MYBL1: variants seen among roughly 807,000 people sequenced by gnomAD.
MYBL1 encodes the protein MYB proto-oncogene like 1, also known as myb-related protein A.
In MYBL1, 17 loss-of-function variants were observed where a neutral mutation model predicts 96.3. The observed-to-expected ratio is 0.18, with a 90% CI of 0.12 to 0.26. MYBL1 has a LOEUF of 0.26. Among genes scored for constraint, MYBL1 ranks in the 10% least tolerant of loss-of-function variants. MYBL1 has a pLI of 1.00. For missense variants in MYBL1, 701 were observed against 882.9 expected (o/e 0.79, Z 2.61); for synonymous variants, 282 against 292.7 (o/e 0.96, Z 0.37).
rs750563808 is a variant in MYBL1 at position 66,575,704 on chromosome 8, C to CA, written c.1470+302dup. ...ACTTGGGGGGCTGAGGCGGGAAGAT[C>CA]ACTTGAGCCTCGGTGGTTGAGGTTG... is the stretch of plus-strand genomic sequence containing the variant. On this transcript the variant is annotated intron_variant, in intron 10 of 15. Transcript: ENST00000522677. Among the ~76,000 whole-genome samples, 38 of 152,224 alleles carry CA rather than the reference C, an allele frequency of 2.5e-4. No individual in the cohort carries two copies. In the East Asian group the frequency reaches 6.4e-3, roughly 26 times the overall value.
chr8:66,566,115 CT>C lies in MYBL1; in HGVS notation c.2078del (p.Lys693ArgfsTer37). ...STNKTYTLTKKKPNPNTSKVV... is the reference protein window; with the variant it reads ...STNKTYTLTKXKPNPNTSKVV... ...CTTTGGAAGTGTTAGGGTTTGGTTT[CT>C]TTTTAGTAAGTGTATATGTTTTGTT... On this transcript the variant is annotated frameshift_variant, in exon 15 of 16. Coordinates refer to ENST00000522677, the MANE Select transcript of MYBL1 (RefSeq NM_001080416.4). LOFTEE classifies it high-confidence loss of function. 6.5e-7 allele frequency: 1 copy of C among 1,543,562 alleles called. No homozygotes were observed. Among genetic ancestry groups the C allele is most frequent in the Non-Finnish European group, 8.8e-7 (1 of 1,141,224 alleles).
intron 9 of MYBL1, among the ~76,000 whole-genome samples, chr8:66,576,640 C>T (rs1182107616): frequency 2.0e-5 from 3 of 152,102 alleles, no homozygotes; most frequent in Non-Finnish European, 2.9e-5. Context: ...AAGTTATTAT[C>T]AAAAATTAAG....
intron 8 of MYBL1, among the ~76,000 whole-genome samples, chr8:66,581,729 G>T (rs1723277503): frequency 6.6e-6 from 1 of 151,904 alleles, no homozygotes; most frequent in African/African-American, 2.4e-5. Flanking sequence ...CCCATATATG[G>T]AAATCTTTAT....
chr8:66,607,529 GCT>G (rs796600906), intron 1 of MYBL1, among the ~76,000 whole-genome samples: 28 of 152,160 alleles, frequency 1.8e-4, no homozygotes, highest in African/African-American at 6.3e-4. Context: ...TTCACCAAGA[GCT>G]CTATATTCCA....
At position 66,601,699 on chromosome 8, in the gene MYBL1, T is replaced by C; in HGVS notation, c.197A>G (p.Gln66Arg). 6.7e-7 allele frequency: 1 copy of C among 1,485,886 alleles called. No individual in the cohort carries two copies. The highest frequency in any genetic ancestry group is 1.4e-5 in the African/African-American group (1 of 71,370). 92.0% of individuals were successfully genotyped at this position (1,485,886 alleles called of 1,614,324 possible). ...AATATAATTTAATATTTCACTTACT[T>C]GAAGATGACTAGCAATTAGAGTCCA... is the stretch of plus-strand genomic sequence containing the variant. ...DDWTLIASHL[Q>R]NRSDFQCQHR... Residue 66 changes from glutamine to arginine, a missense_variant and splice_region_variant, in exon 3 of 16, where the codon CAA becomes CGA. Gln to Arg is a conservative substitution (Grantham distance 43, BLOSUM62 1). Transcript: ENST00000522677.
chr8:66,593,165 T>C lies in MYBL1; in HGVS notation c.717A>G (p.Glu239=). ...GCTGAACATGTTCTATACAATTGCC[T>C]TCAGGTGACACATACTGATACCCAG... ...QIPGYQYVSP[E]GNCIEHVQPT... is the part of the protein sequence containing the mutation. Residue 239 remains glutamate, a synonymous_variant, in exon 7 of 16, where the codon GAA becomes GAG. Coordinates refer to ENST00000522677, the MANE Select transcript of MYBL1 (RefSeq NM_001080416.4). The C allele has an allele frequency of 6.3e-7, 1 of 1,589,124 alleles. No individual in the cohort carries two copies. The highest frequency in any genetic ancestry group is 8.6e-7 in the Non-Finnish European group (1 of 1,165,258).
In MYBL1 at chr8:66,576,246, C is replaced by T. The variant is rs1331631805; in HGVS notation, c.1231G>A (p.Val411Ile). 1.9e-6 allele frequency: 3 copies of T among 1,613,888 alleles called. No homozygotes were observed. Among genetic ancestry groups the T allele is most frequent in the South Asian group, 2.2e-5 (2 of 91,078 alleles). ...NEGAMECQFN[V>I]SLVLEGKKNT... ...TTTTTCCCTTCAAGTACAAGACTGACGTTAAATTGGCATTCCATGGCTCCT... is the reference window on the plus strand; with the variant it reads ...TTTTTCCCTTCAAGTACAAGACTGATGTTAAATTGGCATTCCATGGCTCCT... The change falls in exon 10 of 16, where the codon GTC becomes ATC. Residue 411 changes from valine (V) to isoleucine (I), a missense_variant. By Grantham distance (29) the Val-to-Ile change is conservative. Transcript: ENST00000522677.
chr8:66,609,943 A>C lies in MYBL1; in HGVS notation c.20+2876T>G, dbSNP rs551098683. Among the ~76,000 whole-genome samples the C allele has an allele frequency of 1.2e-4, 18 of 152,132 alleles. No homozygotes were observed. In the East Asian group the frequency reaches 2.9e-3, roughly 24 times the overall value. ...CACTCCCACCCATTTTGCTGGAAACAACACAGTAAAATTGGTTCCTATACA... is the reference window on the plus strand; with the variant it reads ...CACTCCCACCCATTTTGCTGGAAACCACACAGTAAAATTGGTTCCTATACA... On this transcript the variant is annotated intron_variant, in intron 1 of 15. Coordinates refer to ENST00000522677, the MANE Select transcript of MYBL1 (RefSeq NM_001080416.4).
chr8:66,587,476 A>C (rs1809466887), intron 8 of MYBL1, among the ~76,000 whole-genome samples: 1 of 151,970 alleles, frequency 6.6e-6, no homozygotes. Context: ...ATTTTTCTTT[A>C]TCTCTTTAGA....
In MYBL1 at chr8:66,563,728, A is replaced by G. The variant is rs1439472495; in HGVS notation, c.*969T>C. ...AAAAGAAAATATTAAATTATTATTT[A>G]GTACATTTTTAGAACTACTTTATAA... On this transcript the variant is annotated 3_prime_UTR_variant, in exon 16 of 16. Transcript: ENST00000522677. The G allele has an allele frequency of 6.6e-6, 1 of 152,482 alleles. No individual in the cohort carries two copies. Among genetic ancestry groups the G allele is most frequent in the Non-Finnish European group, 1.5e-5 (1 of 67,976 alleles). 9.4% of individuals were successfully genotyped at this position (152,482 alleles called of 1,614,324 possible).
At chr8:66,579,245 T>TA (rs200120132) in intron 9 of MYBL1, among the ~76,000 whole-genome samples, 35 of 151,326 alleles carry the variant, frequency 2.3e-4, no homozygotes, top group African/African-American at 7.5e-4. Flanking sequence ...ATAAAAAAAT[T>TA]AAAAAAAAAT....
rs769801368 is a variant in MYBL1 at position 66,580,253 on chromosome 8, A to G, written c.981T>C (p.Asn327=). The stretch of plus-strand genomic sequence containing the variant: ...AATTCTGCTGAGCAGACACAGGCTG[A>G]TTTTCATCCATACTGTAAAACTCAC... ...HTSEFYSMDE[N]QPVSAQQNSP... is the part of the protein sequence containing the mutation. Residue 327 remains asparagine (N), a synonymous_variant, in exon 9 of 16, where the codon AAT becomes AAC. Coordinates refer to ENST00000522677, the MANE Select transcript of MYBL1 (RefSeq NM_001080416.4). The G allele has an allele frequency of 1.9e-6, 3 of 1,613,880 alleles. No homozygotes were observed. The South Asian group carries it at 3.3e-5, about 18-fold the overall frequency.
At chr8:66,612,749 C>T (rs1810582247) in intron 1 of MYBL1, 70 bp downstream of exon 1, 2 of 1,317,288 alleles carry the variant, frequency 1.5e-6, no homozygotes, top group Non-Finnish European at 2.0e-6. Context: ...CGGGAGGGGG[C>T]AGCGGGATAG....
chr8:66,597,219 T>G, intron 5 of MYBL1, 111 bp downstream of exon 5: 1 of 782,244 alleles, frequency 1.3e-6, no homozygotes, highest in Non-Finnish European at 1.9e-6. Context: ...GTCTACATTT[T>G]AATTACAAAT....
intron 9 of MYBL1, among the ~76,000 whole-genome samples, chr8:66,577,028 C>A (rs1449041021): frequency 6.6e-6 from 1 of 152,012 alleles, no homozygotes; most frequent in Non-Finnish European, 1.5e-5. Context: ...AATTCAACAA[C>A]CCTTCATGCT....
chr8:66,611,884 T>A (rs534698364), intron 1 of MYBL1, among the ~76,000 whole-genome samples: 1 of 152,366 alleles, frequency 6.6e-6, no homozygotes, highest in Non-Finnish European at 1.5e-5. Flanking sequence ...GCTGTGGATC[T>A]AGATAAATAA....
intron 8 of MYBL1, among the ~76,000 whole-genome samples, chr8:66,582,172 G>A (rs1204030626): frequency 1.3e-5 from 2 of 151,986 alleles, no homozygotes; most frequent in African/African-American, 4.8e-5. Context: ...AATGAAAAGA[G>A]TAAGTCTTCA....
rs1452590930 is a variant in MYBL1, at chr8:66,604,340, T to A, written c.21-1817A>T. ...GAGTTCGAGACCAGCCTGACCAACATGGCAAAACCCTGTCTCTACTAAAAT... is the reference window on the plus strand; with the variant it reads ...GAGTTCGAGACCAGCCTGACCAACAAGGCAAAACCCTGTCTCTACTAAAAT... On this transcript the variant is annotated intron_variant, in intron 1 of 15. Transcript: ENST00000522677. Among the ~76,000 whole-genome samples, 3 of 152,042 alleles carry A rather than the reference T, an allele frequency of 2.0e-5. No individual in the cohort carries two copies. In the East Asian group the frequency reaches 5.8e-4, roughly 29 times the overall value.
chr8:66,571,283 T>C (rs1177731277), intron 12 of MYBL1, among the ~76,000 whole-genome samples: 1 of 152,182 alleles, frequency 6.6e-6, no homozygotes, highest in African/African-American at 2.4e-5. Context: ...CGTGAACTAC[T>C]ACCACAAATA....
Sources: allele counts gnomAD v4.1 joint callset (sites outside exome capture counted in the v4.1 genomes callset), GRCh38; gene constraint gnomAD v4.1.1; transcripts MANE v1.5; gene names NCBI Gene and HGNC (gene_info 2026-07-23, HGNC 2026-07-21).